EYS: variants seen among roughly 807,000 people sequenced by gnomAD.
The protein encoded by EYS is protein eyes shut homolog.
In EYS, 250 loss-of-function variants were observed where a neutral mutation model predicts 282.1. The ratio of observed to expected loss-of-function variants is 0.89; its 90% confidence interval spans 0.80 to 0.98. The LOEUF (loss-of-function observed/expected upper bound fraction) is 0.98. Among genes scored for constraint, EYS ranks in the 50% least tolerant of loss-of-function variants. The pLI is 0.00. For missense variants in EYS, 4,016 were observed against 3,709.0 expected (o/e 1.08, Z -2.15); for synonymous variants, 1,355 against 1,282.9 (o/e 1.06, Z -1.20).
chr6:64,258,881 G>C (rs1393733132), intron 30 of EYS, among the ~76,000 whole-genome samples: 1 of 151,850 alleles, frequency 6.6e-6, no homozygotes, highest in African/African-American at 2.4e-5. Context: ...CAGTACTTTT[G>C]TCAGCCAAAT....
intron 22 of EYS, among the ~76,000 whole-genome samples, chr6:64,764,949 C>G (rs1023092076): frequency 1.3e-5 from 2 of 152,168 alleles, no homozygotes; most frequent in African/African-American, 4.8e-5. Flanking sequence ...GTTGGTCAGG[C>G]TGGTCTTGAA....
chr6:64,530,558 T>C lies in EYS; in HGVS notation c.5644+59665A>G, dbSNP rs1562043982. ...GGATTGATTTAATAACTTGGAGATT[T>C]ATAACATGATATTACTGTGAGGTTT... On this transcript the variant is annotated intron_variant, in intron 26 of 42. Coordinates refer to ENST00000503581, the MANE Select transcript of EYS (RefSeq NM_001142800.2). 2.6e-5 allele frequency among the ~76,000 whole-genome samples: 4 copies of C among 152,086 alleles called. 1 individual carries two copies. The South Asian group carries it at 8.3e-4, about 32-fold the overall frequency.
intron 31 of EYS, among the ~76,000 whole-genome samples, chr6:64,179,198 T>G (rs796211116): frequency 3.9e-5 from 6 of 152,162 alleles, no homozygotes; most frequent in African/African-American, 1.4e-4. Context: ...GGGTACAGTT[T>G]CTACTTTTTC....
intron 26 of EYS, among the ~76,000 whole-genome samples, chr6:64,552,659 AGTCCC>A (rs1765119982): frequency 6.6e-6 from 1 of 152,136 alleles, no homozygotes; most frequent in Non-Finnish European, 1.5e-5. Context: ...TCACACCTGT[AGTCCC>A]AGGACTTTGG....
chr6:64,107,285 T>TATATATATATATATATATATATA (rs1773053230), intron 31 of EYS, among the ~76,000 whole-genome samples: 7 of 101,502 alleles, frequency 6.9e-5, no homozygotes, highest in Non-Finnish European at 1.2e-4. Context: ...ATATATATAT[T>TATATATATATATATATATATATA]TATATATATA....
chr6:65,484,980 G>A (rs1029412641), intron 5 of EYS, among the ~76,000 whole-genome samples: 2 of 152,164 alleles, frequency 1.3e-5, no homozygotes, highest in Admixed American at 1.3e-4. Context: ...GGATCAAGAA[G>A]TCTAAAATAT....
At chr6:64,848,406 T>C (rs1180720725) in intron 19 of EYS, among the ~76,000 whole-genome samples, 2 of 152,032 alleles carry the variant, frequency 1.3e-5, no homozygotes, top group Non-Finnish European at 2.9e-5. Flanking sequence ...ATGCAGAAAT[T>C]TGAAAAAATG....
chr6:64,664,503 G>C (rs972962281), intron 22 of EYS, among the ~76,000 whole-genome samples: 1 of 152,056 alleles, frequency 6.6e-6, no homozygotes, highest in African/African-American at 2.4e-5. Flanking sequence ...AGGGGAAGTG[G>C]GATATTTGGC....
chr6:64,943,811 C>A (rs1297590992), intron 15 of EYS, among the ~76,000 whole-genome samples: 1 of 151,932 alleles, frequency 6.6e-6, no homozygotes, highest in Admixed American at 6.6e-5. Context: ...AACGTATCAA[C>A]CTACGAATGT....
intron 36 of EYS, among the ~76,000 whole-genome samples, chr6:63,818,968 T>TC (rs1384379521): frequency 6.6e-6 from 1 of 152,240 alleles, no homozygotes; most frequent in Non-Finnish European, 1.5e-5. Context: ...AACACCTTGA[T>TC]CCCCTCCCAG....
At chr6:63,968,646 G>A (rs543153948) in intron 35 of EYS, among the ~76,000 whole-genome samples, 1 of 152,286 alleles carries the variant, frequency 6.6e-6, no homozygotes, top group East Asian at 1.9e-4. Context: ...CTCGAAAGGT[G>A]AAGGCAGAAT....
At position 63,778,081 on chromosome 6, in the gene EYS, T is replaced by C. The variant is rs746055058; in HGVS notation, c.7823A>G (p.Gln2608Arg). ...TAAACTGCAGGGAGAAGCATGACAC[T>C]GGCCAACACTGCGTCCAGCATTTGG... ...GHPNAGRSVG[Q>R]CHASPCSLMK... The change falls in exon 40 of 43, where the codon CAG (glutamine) becomes CGG (arginine). Residue 2608 changes from glutamine (Q) to arginine (R), a missense_variant. By Grantham distance (43) the Gln-to-Arg change is conservative. Coordinates refer to ENST00000503581, the MANE Select transcript of EYS (RefSeq NM_001142800.2). 41 of 1,551,636 alleles carry C rather than the reference T, an allele frequency of 2.6e-5. No homozygotes were observed. Among genetic ancestry groups the C allele is most frequent in the Non-Finnish European group, 3.4e-5 (39 of 1,146,966 alleles).
chr6:63,831,606 A>G (rs1323457480), intron 36 of EYS, among the ~76,000 whole-genome samples: 1 of 152,168 alleles, frequency 6.6e-6, no homozygotes, highest in African/African-American at 2.4e-5. Flanking sequence ...AGACTCCCAC[A>G]TAATAATAAT....
intron 4 of EYS, among the ~76,000 whole-genome samples, chr6:65,491,045 T>C (rs1356297730): frequency 6.6e-6 from 1 of 152,088 alleles, no homozygotes; most frequent in Non-Finnish European, 1.5e-5. Flanking sequence ...CAACATACAT[T>C]GATAGTATTG....
At chr6:65,229,711 G>T (rs1426584927) in intron 12 of EYS, among the ~76,000 whole-genome samples, 1 of 151,870 alleles carries the variant, frequency 6.6e-6, no homozygotes, top group South Asian at 2.1e-4. Flanking sequence ...AATCAGAGGA[G>T]GGTGAAGAAA....
At chr6:65,690,584 T>C (rs1769206705) in intron 1 of EYS, among the ~76,000 whole-genome samples, 1 of 150,090 alleles carries the variant, frequency 6.7e-6, no homozygotes, top group South Asian at 2.1e-4. Flanking sequence ...AACCTGGCAT[T>C]GTCTTAACAC....
At chr6:64,769,046 C>G (rs531911956) in intron 22 of EYS, among the ~76,000 whole-genome samples, 1 of 152,160 alleles carries the variant, frequency 6.6e-6, no homozygotes, top group East Asian at 1.9e-4. Flanking sequence ...TAGTCACTTT[C>G]ATATTAAGAC....
chr6:64,371,278 G>T, intron 29 of EYS, among the ~76,000 whole-genome samples: 1 of 147,504 alleles, frequency 6.8e-6, no homozygotes. Context: ...TTACCCAGAA[G>T]TCATTCAGGA....
chr6:64,715,238 C>G (rs1193080402), intron 22 of EYS, among the ~76,000 whole-genome samples: 1 of 152,150 alleles, frequency 6.6e-6, no homozygotes, highest in Admixed American at 6.6e-5. Context: ...TGTTTTCCTG[C>G]AACTAAATGG....
Sources: gnomAD v4.1 joint callset for allele counts (sites outside exome capture counted in the v4.1 genomes callset) on GRCh38, gnomAD v4.1.1 for gene constraint, MANE v1.5 for transcripts, NCBI Gene and HGNC (gene_info 2026-07-23, HGNC 2026-07-21) for gene names.